FHIT: variants seen among roughly 807,000 people sequenced by gnomAD.
FHIT encodes the protein fragile histidine triad diadenosine triphosphatase.
FHIT carries 19 observed loss-of-function variants against 17.9 expected under a neutral mutation model. The ratio of observed to expected loss-of-function variants is 1.06; its 90% confidence interval spans 0.74 to 1.56. The LOEUF (loss-of-function observed/expected upper bound fraction) is 1.56, where lower values mean the gene tolerates loss of function less well. Ranked by LOEUF, FHIT falls within the 40% of genes most tolerant of loss-of-function variation. The pLI is 0.00. For missense variants in FHIT, 248 were observed against 189.2 expected (o/e 1.31, Z -1.82); for synonymous variants, 81 against 69.7 (o/e 1.16, Z -0.81).
At chr3:59,948,223 G>A (rs907435982) in intron 7 of FHIT, among the ~76,000 whole-genome samples, 2 of 151,880 alleles carry the variant, frequency 1.3e-5, no homozygotes, top group African/African-American at 2.4e-5. Flanking sequence ...GAAATCACTC[G>A]GCCAGGCGCA....
At chr3:60,784,541 G>A (rs1553726369) in intron 4 of FHIT, among the ~76,000 whole-genome samples, 1 of 152,022 alleles carries the variant, frequency 6.6e-6, no homozygotes, top group African/African-American at 2.4e-5. Context: ...TTGCCATGTT[G>A]GCCAGGCTGA....
chr3:60,643,327 C>T (rs2039773903), intron 4 of FHIT, among the ~76,000 whole-genome samples: 1 of 151,896 alleles, frequency 6.6e-6, no homozygotes, highest in Non-Finnish European at 1.5e-5. Context: ...ACCATATTTC[C>T]AAGAGCAACC....
At chr3:60,895,734 C>A (rs1440727362) in intron 3 of FHIT, among the ~76,000 whole-genome samples, 2 of 73,510 alleles carry the variant, frequency 2.7e-5, no homozygotes, top group Non-Finnish European at 3.0e-5. Flanking sequence ...TTCTTTCTTT[C>A]TTCTTTCTTT....
At chr3:60,991,214 G>A (rs1033042464) in intron 3 of FHIT, among the ~76,000 whole-genome samples, 1 of 152,172 alleles carries the variant, frequency 6.6e-6, no homozygotes, top group African/African-American at 2.4e-5. Context: ...CCTGGCAGAA[G>A]GAATGGCAAA....
At chr3:59,770,097 G>A (rs1357210279) in intron 8 of FHIT, among the ~76,000 whole-genome samples, 2 of 152,158 alleles carry the variant, frequency 1.3e-5, no homozygotes, top group Admixed American at 6.5e-5. Flanking sequence ...AAGGGAGAAA[G>A]GTCAGCTTCT....
chr3:60,614,933 A>C (rs1336685580), intron 4 of FHIT, among the ~76,000 whole-genome samples: 2 of 144,950 alleles, frequency 1.4e-5, no homozygotes, highest in African/African-American at 5.1e-5. Flanking sequence ...AGGTTCAAGC[A>C]ATTCTCCTGC....
intron 1 of FHIT, among the ~76,000 whole-genome samples, chr3:61,225,584 G>A (rs902876470): frequency 6.6e-6 from 1 of 152,176 alleles, no homozygotes; most frequent in African/African-American, 2.4e-5. Flanking sequence ...AAAGTTAAGC[G>A]TTATATACTT....
intron 2 of FHIT, among the ~76,000 whole-genome samples, chr3:61,049,868 T>A (rs1382939554): frequency 2.6e-5 from 4 of 152,112 alleles, no homozygotes; most frequent in Non-Finnish European, 5.9e-5. Flanking sequence ...ATAAGACCAT[T>A]TTAGAGGTGC....
chr3:59,986,695 T>TATATATTTATATAAATATATATAA lies in FHIT; in HGVS notation c.279+24675_279+24676insTTATATATATTTATATAAATATAT, dbSNP rs1559524076. Among the ~76,000 whole-genome samples the TATATATTTATATAAATATATATAA allele has an allele frequency of 7.1e-4, 8 of 11,242 alleles. 2 individuals carry two copies. Among genetic ancestry groups the TATATATTTATATAAATATATATAA allele is most frequent in the African/African-American group, 2.6e-3 (6 of 2,270 alleles). The allele number at this position is 11,242 out of a possible 152,430, so 7.4% of individuals were successfully genotyped here. A position where few individuals can be genotyped will look rare whatever the true frequency, so the allele number is the denominator to read the frequency against. Reference sequence around the variant, plus strand: ...TAATATATTTACATATTTAGTTTTATATATATTTATATAAATATATACATA... The same window carrying TATATATTTATATAAATATATATAA: ...TAATATATTTACATATTTAGTTTTATATATATTTATATAAATATATATAAATATATTTATATAAATATATACATA... On this transcript the variant is annotated intron_variant, in intron 7 of 9. Coordinates refer to ENST00000492590, the MANE Select transcript of FHIT (RefSeq NM_002012.4).
intron 4 of FHIT, among the ~76,000 whole-genome samples, chr3:60,794,810 T>C (rs1296788059): frequency 6.6e-6 from 1 of 152,242 alleles, no homozygotes; most frequent in African/African-American, 2.4e-5. Flanking sequence ...TTACATTGGC[T>C]TCATAAAAAC....
intron 7 of FHIT, among the ~76,000 whole-genome samples, chr3:59,935,951 C>T (rs901138943): frequency 6.6e-6 from 1 of 152,144 alleles, no homozygotes; most frequent in African/African-American, 2.4e-5. Context: ...ATTGTACACA[C>T]CTTTCTTCCC....
chr3:60,997,669 T>C (rs1447899331), intron 3 of FHIT, among the ~76,000 whole-genome samples: 1 of 152,210 alleles, frequency 6.6e-6, no homozygotes, highest in Non-Finnish European at 1.5e-5. Flanking sequence ...AAGAAGTAAC[T>C]AGCAGTCAGA....
At chr3:60,805,794 C>G (rs1418463103) in intron 4 of FHIT, among the ~76,000 whole-genome samples, 1 of 152,040 alleles carries the variant, frequency 6.6e-6, no homozygotes, top group Non-Finnish European at 1.5e-5. Context: ...CTCCTCACCT[C>G]GTGATCTGCC....
chr3:61,197,464 C>A (rs1169148991), intron 2 of FHIT, among the ~76,000 whole-genome samples: 52 of 151,692 alleles, frequency 3.4e-4, no homozygotes, highest in Admixed American at 3.4e-3. Flanking sequence ...AATTGATATA[C>A]CTGTTAAAAA....
At chr3:60,277,032 A>G (rs75331333) in intron 5 of FHIT, among the ~76,000 whole-genome samples, 8,088 of 152,242 alleles carry the variant, frequency 0.053, 317 homozygotes, top group Non-Finnish European at 0.082. Flanking sequence ...TCCAAAGTAT[A>G]TAAGTACAGC....
At chr3:60,362,083 A>T (rs1445017917) in intron 5 of FHIT, among the ~76,000 whole-genome samples, 3 of 152,174 alleles carry the variant, frequency 2.0e-5, no homozygotes, top group Admixed American at 6.5e-5. Flanking sequence ...TTAAAAAAAA[A>T]TAATTTTATT....
chr3:60,191,474 G>A (rs116527341), intron 5 of FHIT, among the ~76,000 whole-genome samples: 18 of 152,184 alleles, frequency 1.2e-4, no homozygotes, highest in African/African-American at 3.6e-4. Context: ...CATACCATAC[G>A]AACATAATGG....
intron 3 of FHIT, among the ~76,000 whole-genome samples, chr3:60,869,681 C>A (rs1161226143): frequency 6.6e-6 from 1 of 152,062 alleles, no homozygotes; most frequent in Non-Finnish European, 1.5e-5. Context: ...ACCACTCTTA[C>A]AAAGATGGAA....
chr3:59,986,534 T>TACAC (rs1288319088), intron 7 of FHIT, among the ~76,000 whole-genome samples: 25 of 11,876 alleles, frequency 2.1e-3, no homozygotes, highest in African/African-American at 0.011. Context: ...TATATATATA[T>TACAC]ATATATACAC....
Sources: allele counts gnomAD v4.1 joint callset (sites outside exome capture counted in the v4.1 genomes callset), GRCh38; gene constraint gnomAD v4.1.1; transcripts MANE v1.5; gene names NCBI Gene and HGNC (gene_info 2026-07-23, HGNC 2026-07-21).